Variants in MTUS1 observed in about 807,000 individuals in gnomAD.
MTUS1 encodes the protein microtubule associated scaffold protein 1, also known as microtubule-associated tumor suppressor 1.
A neutral mutation model predicts 120.8 loss-of-function variants in MTUS1; 109 were observed. The ratio of observed to expected loss-of-function variants is 0.90; its 90% CI spans 0.77 to 1.06. The LOEUF (loss-of-function observed/expected upper bound fraction) is 1.06, where lower values mean the gene tolerates loss of function less well. MTUS1 is among the 50% of genes least tolerant of loss of function. The pLI is 0.00. For synonymous variants in MTUS1, 737 were observed against 550.5 expected, an observed-to-expected ratio of 1.34 and a Z score of -4.74; for missense variants, 2,210 against 1,486.3, an observed-to-expected ratio of 1.49 and a Z score of -8.01.
intron 1 of MTUS1, among the ~76,000 whole-genome samples, chr8:17,779,794 G>A (rs900228478): frequency 9.9e-5 from 15 of 152,144 alleles, no homozygotes; most frequent in Admixed American, 3.3e-4. Flanking sequence ...GAGGGGGGGC[G>A]GGGGCAGCCC....
At chr8:17,663,155 A>G (rs889850976) in intron 8 of MTUS1, among the ~76,000 whole-genome samples, 7 of 152,244 alleles carry the variant, frequency 4.6e-5, no homozygotes, top group African/African-American at 1.7e-4. Flanking sequence ...ACAGTCAAAC[A>G]TAATCTCTGG....
chr8:17,775,902 G>T (rs931883214), intron 1 of MTUS1, among the ~76,000 whole-genome samples: 1 of 152,230 alleles, frequency 6.6e-6, no homozygotes, highest in Admixed American at 6.5e-5. Flanking sequence ...TCAGAGTGAA[G>T]TCAAGGTGCT....
At chr8:17,710,261 T>G (rs1348134309) in intron 6 of MTUS1, among the ~76,000 whole-genome samples, 3 of 152,132 alleles carry the variant, frequency 2.0e-5, no homozygotes, top group African/African-American at 7.2e-5. Flanking sequence ...GTGATGCTGT[T>G]TCATAGCATT....
intron 1 of MTUS1, among the ~76,000 whole-genome samples, chr8:17,786,381 C>G (rs2051304591): frequency 6.6e-6 from 1 of 152,104 alleles, no homozygotes. Flanking sequence ...ACCCAGGCAC[C>G]ATCTCAGATA....
intron 2 of MTUS1, among the ~76,000 whole-genome samples, chr8:17,748,817 C>CA (rs1365368164): frequency 2.0e-5 from 3 of 152,176 alleles, no homozygotes; most frequent in African/African-American, 7.2e-5. Flanking sequence ...ACTAGGCACT[C>CA]AGACAGGGTC....
At chr8:17,794,882 T>A (rs2052094231) in intron 1 of MTUS1, among the ~76,000 whole-genome samples, 2 of 152,150 alleles carry the variant, frequency 1.3e-5, no homozygotes, top group Non-Finnish European at 2.9e-5. Flanking sequence ...CTATTTTCAT[T>A]CCGTAAAGCT....
chr8:17,672,226 C>T (rs1047113391), intron 8 of MTUS1, among the ~76,000 whole-genome samples: 3 of 152,200 alleles, frequency 2.0e-5, no homozygotes, highest in Non-Finnish European at 4.4e-5. Context: ...AATTACTACA[C>T]AGCTGTCAAG....
chr8:17,707,126 T>C (rs1820332110), intron 6 of MTUS1, among the ~76,000 whole-genome samples: 1 of 152,200 alleles, frequency 6.6e-6, no homozygotes, highest in South Asian at 2.1e-4. Flanking sequence ...ATGTCTTCTG[T>C]ATCAGCTAAA....
chr8:17,670,472 T>C (rs980444234), intron 8 of MTUS1, among the ~76,000 whole-genome samples: 2 of 152,112 alleles, frequency 1.3e-5, no homozygotes, highest in African/African-American at 2.4e-5. Flanking sequence ...AAGGTGATCA[T>C]AATGAACACT....
chr8:17,644,697 C>T lies in MTUS1; in HGVS notation c.*1229G>A, dbSNP rs1393309893. 1 of 152,238 alleles carries T rather than the reference C, an allele frequency of 6.6e-6. No homozygotes were observed. Among genetic ancestry groups the T allele is most frequent in the East Asian group, 1.9e-4 (1 of 5,204 alleles). 9.4% of individuals were successfully genotyped at this position (152,238 alleles called of 1,614,324 possible). A position where few individuals can be genotyped will look rare whatever the true frequency, so the allele number is the denominator to read the frequency against. On this transcript the variant is annotated 3_prime_UTR_variant, in exon 15 of 15. Transcript: ENST00000693296. The stretch of plus-strand genomic sequence containing the variant: ...TCAAGTACTGCATCATCGGTAAGCA[C>T]TGAATCCTACCTTTCTTAATTATAC...
chr8:17,751,110 A>T (rs1255868708), intron 2 of MTUS1, among the ~76,000 whole-genome samples: 1 of 152,160 alleles, frequency 6.6e-6, no homozygotes, highest in Non-Finnish European at 1.5e-5. Flanking sequence ...TGAGGTCAGG[A>T]GTTCGAGACC....
At chr8:17,744,159 T>C (rs145085309) in intron 2 of MTUS1, among the ~76,000 whole-genome samples, 77 of 152,326 alleles carry the variant, frequency 5.1e-4, no homozygotes, top group African/African-American at 1.8e-3. Context: ...CATTTTGAAA[T>C]GGCCCTGCAA....
At chr8:17,669,801 T>C (rs56107496) in intron 8 of MTUS1, among the ~76,000 whole-genome samples, 10,547 of 152,048 alleles carry the variant, frequency 0.069, 491 homozygotes, top group Non-Finnish European at 0.1. Flanking sequence ...CCCAAGATCA[T>C]GCCACTGCAC....
chr8:17,752,640 C>T (rs1346367248), intron 2 of MTUS1, among the ~76,000 whole-genome samples: 1 of 152,170 alleles, frequency 6.6e-6, no homozygotes, highest in African/African-American at 2.4e-5. Context: ...CTTGTGGTCC[C>T]CATGCACCCT....
At chr8:17,659,261 G>A (rs1809150185) in intron 8 of MTUS1, among the ~76,000 whole-genome samples, 1 of 152,230 alleles carries the variant, frequency 6.6e-6, no homozygotes, top group Non-Finnish European at 1.5e-5. Context: ...TCTACTGGAA[G>A]AGACAACAGA....
intron 1 of MTUS1, among the ~76,000 whole-genome samples, chr8:17,795,834 C>G (rs1226046793): frequency 6.6e-6 from 1 of 151,866 alleles, no homozygotes; most frequent in African/African-American, 2.4e-5. Flanking sequence ...TCGGGTTTCA[C>G]CATGTTAGCC....
In MTUS1 at chr8:17,645,231, C is replaced by T. The variant is rs1805547001; in HGVS notation, c.*695G>A. Reference sequence around the variant, plus strand: ...ACTGAAAAACTGCCAAGAAGTTACCCCCAAAAGATACAGAGAATGTATAGA... The same window carrying T: ...ACTGAAAAACTGCCAAGAAGTTACCTCCAAAAGATACAGAGAATGTATAGA... On this transcript the variant is annotated 3_prime_UTR_variant, in exon 15 of 15. Transcript: ENST00000693296. 2 of 152,498 alleles carry T rather than the reference C, an allele frequency of 1.3e-5. No homozygotes were observed. Among genetic ancestry groups the T allele is most frequent in the Non-Finnish European group, 2.9e-5 (2 of 68,010 alleles). The allele number at this position is 152,498 out of a possible 1,614,324, so 9.4% of individuals were successfully genotyped here. A position where few individuals can be genotyped will look rare whatever the true frequency, so the allele number is the denominator to read the frequency against.
chr8:17,700,438 C>G (rs949091777), intron 6 of MTUS1, among the ~76,000 whole-genome samples: 5 of 82,528 alleles, frequency 6.1e-5, no homozygotes, highest in African/African-American at 2.2e-4. Flanking sequence ...CCATTGCACT[C>G]CAGCCTGGGC....
intron 3 of MTUS1, among the ~76,000 whole-genome samples, chr8:17,731,686 A>G (rs2131178796): frequency 6.6e-6 from 1 of 152,282 alleles, no homozygotes; most frequent in South Asian, 2.1e-4. Flanking sequence ...ATAAAAAGAC[A>G]TAAAAACAAC....
Sources: gnomAD v4.1 joint callset for allele counts (sites outside exome capture counted in the v4.1 genomes callset) on GRCh38, gnomAD v4.1.1 for gene constraint, MANE v1.5 for transcripts, NCBI Gene and HGNC (gene_info 2026-07-23, HGNC 2026-07-21) for gene names.